The following TTC34 variants were observed in gnomAD, a reference collection of about 807,000 sequenced individuals.
TTC34 encodes tetratricopeptide repeat domain 34, also known as tetratricopeptide repeat protein 34.
Under a neutral mutation model 40.7 loss-of-function variants are expected in TTC34, and 44 were observed. The observed-to-expected ratio is 1.08, with a 90% CI of 0.85 to 1.39. The LOEUF is 1.39. Ranked by LOEUF, TTC34 falls within the 40% of genes most tolerant of loss-of-function variation. The pLI is 0.00. For missense variants in TTC34, 884 were observed against 838.0 expected (o/e 1.05, Z -0.68); for synonymous variants, 422 against 398.6 (o/e 1.06, Z -0.70).
At chr1:2,686,747 G>A (rs1232038192) in intron 6 of TTC34, among the ~76,000 whole-genome samples, 1 of 148,820 alleles carries the variant, frequency 6.7e-6, no homozygotes, top group African/African-American at 2.5e-5. Flanking sequence ...CTGACAGCCT[G>A]GAACGGCACC....
At chr1:2,698,824 T>G (rs1218754711) in intron 6 of TTC34, among the ~76,000 whole-genome samples, 5 of 137,728 alleles carry the variant, frequency 3.6e-5, no homozygotes, top group African/African-American at 8.3e-5. Flanking sequence ...GGTGAGCATC[T>G]CACAGCCTGC....
At chr1:2,767,457 C>T (rs1336432155) in intron 6 of TTC34, among the ~76,000 whole-genome samples, 88 of 143,246 alleles carry the variant, frequency 6.1e-4, no homozygotes, top group South Asian at 1.4e-3. Context: ...GGTGAGCATC[C>T]GACAGCCTGG....
rs1640156117 is a variant in TTC34 at position 2,683,215 on chromosome 1, G to T, written c.2227-37652C>A. Among the ~76,000 whole-genome samples, 2 of 146,044 alleles carry T rather than the reference G, an allele frequency of 1.4e-5. 1 individual carries two copies. Among genetic ancestry groups the T allele is most frequent in the African/African-American group, 5.1e-5 (2 of 38,958 alleles). The stretch of plus-strand genomic sequence containing the variant: ...GCCACAGGCGAGCATCTGAGAGCCT[G>T]GGTCGGCACCCACACCCCCAAGTGA... On this transcript the variant is annotated intron_variant, in intron 6 of 8. Transcript: ENST00000401095.
chr1:2,691,148 G>T (rs865826748), intron 6 of TTC34, among the ~76,000 whole-genome samples: 9 of 46,536 alleles, frequency 1.9e-4, no homozygotes, highest in Middle Eastern at 0.019. Flanking sequence ...CACCGCCAGG[G>T]GAGTATCTGA....
chr1:2,750,858 C>A (rs1317820373), intron 6 of TTC34, among the ~76,000 whole-genome samples: 3 of 119,322 alleles, frequency 2.5e-5, no homozygotes, highest in South Asian at 3.2e-4. Flanking sequence ...CCCAGGTGAG[C>A]ATCTGACAGC....
At chr1:2,676,939 C>T (rs1229487525) in intron 6 of TTC34, among the ~76,000 whole-genome samples, 3 of 141,992 alleles carry the variant, frequency 2.1e-5, no homozygotes, top group Non-Finnish European at 4.7e-5. Flanking sequence ...CCCAGGTGAG[C>T]ATCTGACAGC....
At position 2,752,556 on chromosome 1, in the gene TTC34, G is replaced by A. The variant is rs1169227155; in HGVS notation, c.2226+31053C>T. On this transcript the variant is annotated intron_variant, in intron 6 of 8. Transcript: ENST00000401095. Reference sequence around the variant, plus strand: ...TCCCCAGGTGAGCATCTGACAGCCTGGAACAGCACCTTGCACCCCCAGGTG... The same window carrying A: ...TCCCCAGGTGAGCATCTGACAGCCTAGAACAGCACCTTGCACCCCCAGGTG... Among the ~76,000 whole-genome samples the A allele has an allele frequency of 2.6e-5, 3 of 117,228 alleles. 1 individual carries two copies. Among genetic ancestry groups the A allele is most frequent in the African/African-American group, 1.2e-4 (3 of 25,564 alleles). The allele number at this position is 117,228 out of a possible 152,430, so 76.9% of individuals were successfully genotyped here.
intron 2 of TTC34, among the ~76,000 whole-genome samples, chr1:2,798,851 A>AAGCCTCCC (rs1202889539): frequency 7.8e-4 from 13 of 16,676 alleles, no homozygotes; most frequent in African/African-American, 2.8e-3. Context: ...CTCAGCCTCC[A>AAGCCTCCC]AGCCTCCCAG....
chr1:2,656,157 C>T (rs1570763040), intron 6 of TTC34, among the ~76,000 whole-genome samples: 1 of 147,308 alleles, frequency 6.8e-6, no homozygotes, highest in African/African-American at 2.5e-5. Context: ...ATCTGACAGA[C>T]TGGAACAGCA....
At chr1:2,777,693 G>C (rs951695179) in intron 6 of TTC34, among the ~76,000 whole-genome samples, 2 of 151,940 alleles carry the variant, frequency 1.3e-5, no homozygotes, top group African/African-American at 4.8e-5. Context: ...GGGCATGGGG[G>C]GGGGGGCGCA....
chr1:2,688,321 A>T (rs1640465869), intron 6 of TTC34, among the ~76,000 whole-genome samples: 1 of 12,090 alleles, frequency 8.3e-5, no homozygotes, highest in African/African-American at 5.1e-4. Context: ...CTGGAGCAGA[A>T]CCCCACACCC....
At chr1:2,695,741 G>T (rs1469243315) in intron 6 of TTC34, among the ~76,000 whole-genome samples, 5 of 149,216 alleles carry the variant, frequency 3.4e-5, no homozygotes, top group African/African-American at 1.0e-4. Flanking sequence ...TGAAATCCTG[G>T]AACAGCACCC....
Position 2,645,504 on chromosome 1 carries a change from C to T in TTC34, c.2286G>A (p.Glu762=). 1.3e-6 allele frequency: 2 copies of T among 1,521,722 alleles called. No individual in the cohort carries two copies. The highest frequency in any genetic ancestry group is 1.8e-6 in the Non-Finnish European group (2 of 1,140,188). 94.3% of individuals were successfully genotyped at this position (1,521,722 alleles called of 1,614,324 possible). A position where few individuals can be genotyped will look rare whatever the true frequency, so the allele number is the denominator to read the frequency against. ...GGGCTTCCGGCTTCAGAGAGCGGAG[C>T]TCAGGGACCACAGTCCCGGGGCCGA... Residue 762 remains glutamate (E), a synonymous_variant, in exon 7 of 9, where the codon GAG becomes GAA. Coordinates refer to ENST00000401095, the Ensembl canonical transcript of TTC34. This position sits in a 1 kb window ranked among gnomAD's most constrained non-coding sequence, Gnocchi z 4.7.
intron 6 of TTC34, among the ~76,000 whole-genome samples, chr1:2,675,167 G>A (rs1356563095): frequency 1.4e-5 from 2 of 141,214 alleles, no homozygotes; most frequent in African/African-American, 5.2e-5. Context: ...ACACCCCCAG[G>A]GGAGCATCTG....
chr1:2,772,945 C>A (rs1285095510), intron 6 of TTC34, among the ~76,000 whole-genome samples: 142 of 62,004 alleles, frequency 2.3e-3, no homozygotes, highest in African/African-American at 6.7e-3. Context: ...TACCCCCAGG[C>A]GAGCATCTGA....
chr1:2,760,980 G>C lies in TTC34; in HGVS notation c.2226+22629C>G, dbSNP rs1283503809. ...CGTCCACACCCCCAGGTGAGCATCT[G>C]ATAGCCTGGAGCAGCGCTCACACCC... On this transcript the variant is annotated intron_variant, in intron 6 of 8. Transcript: ENST00000401095. Among the ~76,000 whole-genome samples the C allele has an allele frequency of 2.9e-5, 2 of 69,368 alleles. 1 individual carries two copies. Among genetic ancestry groups the C allele is most frequent in the East Asian group, 8.4e-4 (2 of 2,380 alleles). 45.5% of individuals were successfully genotyped at this position (69,368 alleles called of 152,430 possible). A position where few individuals can be genotyped will look rare whatever the true frequency, so the allele number is the denominator to read the frequency against.
At chr1:2,750,572 T>A (rs1641284992) in intron 6 of TTC34, among the ~76,000 whole-genome samples, 4 of 151,186 alleles carry the variant, frequency 2.6e-5, no homozygotes, top group African/African-American at 9.8e-5. Flanking sequence ...CACCCCCAGG[T>A]GAGCATCTGA....
chr1:2,654,087 C>A (rs376302802), intron 6 of TTC34, among the ~76,000 whole-genome samples: 651 of 7,948 alleles, frequency 0.082, no homozygotes, highest in East Asian at 0.29. Context: ...GCAGCACCCA[C>A]AGCCCAAGGT....
At chr1:2,753,498 C>A (rs1189106568) in intron 6 of TTC34, among the ~76,000 whole-genome samples, 1 of 106,396 alleles carries the variant, frequency 9.4e-6, no homozygotes, top group Non-Finnish European at 1.8e-5. Context: ...CACCCACACC[C>A]CCAGGCGAGC....
Sources: allele counts gnomAD v4.1 joint callset (sites outside exome capture counted in the v4.1 genomes callset), GRCh38; gene constraint gnomAD v4.1.1; non-coding constraint Gnocchi (gnomAD v3.1); transcripts MANE v1.5; gene names NCBI Gene and HGNC (gene_info 2026-07-23, HGNC 2026-07-21).